SNURF: variants seen among roughly 807,000 people sequenced by gnomAD.
SNURF encodes SNRPN upstream open reading frame.
Under a neutral mutation model 11.6 loss-of-function variants are expected in SNURF, and 6 were observed. That is an observed-to-expected ratio of 0.52 (90% CI 0.28 to 1.02). SNURF has a LOEUF of 1.02. Among genes scored for constraint, SNURF ranks in the 50% least tolerant of loss-of-function variants. The pLI is 0.09. For synonymous variants in SNURF, 29 were observed against 31.6 expected (o/e 0.92, Z 0.27); for missense variants, 84 against 88.4 (o/e 0.95, Z 0.20).
downstream of SNURF, among the ~76,000 whole-genome samples, chr15:24,969,313 G>T (rs528712213): frequency 6.6e-6 from 1 of 152,194 alleles, no homozygotes; most frequent in East Asian, 1.9e-4. Context: ...ATTTTTGGTA[G>T]AGACGGGGTT....
intron 2 of SNURF, 79 bp downstream of exon 2, chr15:24,962,288 G>T: frequency 1.8e-6 from 2 of 1,126,844 alleles, no homozygotes; most frequent in South Asian, 1.3e-5. Context: ...GCAATGAGGG[G>T]ATTAAAATGA....
chr15:24,956,356 G>A (rs974597735), intron 1 of SNURF, among the ~76,000 whole-genome samples: 1 of 149,642 alleles, frequency 6.7e-6, no homozygotes, highest in Non-Finnish European at 1.5e-5. Context: ...CGCTTCAGCG[G>A]GGGGGTGGCC....
At chr15:24,960,960 T>C (rs2074702186) in intron 1 of SNURF, among the ~76,000 whole-genome samples, 1 of 152,166 alleles carries the variant, frequency 6.6e-6, no homozygotes, top group Admixed American at 6.5e-5. Context: ...TTTTTTTTCA[T>C]TGTTTGGATT....
At chr15:24,963,763 A>G (rs2075212115) in intron 2 of SNURF, among the ~76,000 whole-genome samples, 1 of 151,460 alleles carries the variant, frequency 6.6e-6, no homozygotes, top group Non-Finnish European at 1.5e-5. Flanking sequence ...GTTGAGCTGG[A>G]TGTGGTGGCT....
downstream of SNURF, among the ~76,000 whole-genome samples, chr15:24,969,966 A>G (rs2076192604): frequency 1.3e-5 from 2 of 152,236 alleles, no homozygotes; most frequent in South Asian, 4.1e-4. Context: ...AATACTTAGT[A>G]TCTTGCTATT....
intron 6 of SNURF, chr15:24,977,102 C>T (rs2077144038): frequency 1.6e-6 from 2 of 1,269,972 alleles, no homozygotes; most frequent in East Asian, 2.5e-5. Flanking sequence ...GATTTAAAAA[C>T]CTAAGTGTAT....
chr15:24,976,314 T>C (rs1354209996), exon 5 of SNURF: 2 of 1,613,670 alleles, frequency 1.2e-6, no homozygotes, highest in East Asian at 2.2e-5. Flanking sequence ...GGCCAAAGAA[T>C]GCGAAGCAAC....
chr15:24,955,100 G>A, intron 1 of SNURF, 38 bp downstream of exon 1: 1 of 1,613,414 alleles, frequency 6.2e-7, no homozygotes, highest in South Asian at 1.1e-5. Context: ...GAGACAGCCT[G>A]GGGAGCGGCC....
chr15:24,968,142 G>A (rs1478575305), exon 3 of SNURF: 2 of 991,862 alleles, frequency 2.0e-6, no homozygotes, highest in African/African-American at 3.2e-5. Context: ...GGGTGTTGGG[G>A]GTTCTCTTAA....
chr15:24,977,161 G>A, intron 6 of SNURF: 1 of 610,870 alleles, frequency 1.6e-6, no homozygotes, highest in African/African-American at 1.9e-5. Flanking sequence ...CCAAAACACA[G>A]ATATATGGGA....
chr15:24,964,536 C>T lies in SNURF; in HGVS notation c.110+2327C>T, dbSNP rs376768362. Among the ~76,000 whole-genome samples the T allele has an allele frequency of 4.7e-4, 71 of 152,178 alleles. No individual in the cohort carries two copies. In the Middle Eastern group the frequency reaches 0.017, roughly 36 times the overall value. ...CTCGAACTCCCGACCTCAGATGATCCGCCCGCCTTGGTTTCTTTCCCAAAG... is the reference window on the plus strand; with the variant it reads ...CTCGAACTCCCGACCTCAGATGATCTGCCCGCCTTGGTTTCTTTCCCAAAG... On this transcript the variant is annotated intron_variant, in intron 2 of 2. Transcript: ENST00000577949.
At chr15:24,956,778 T>C (rs982294553) in intron 1 of SNURF, among the ~76,000 whole-genome samples, 8 of 152,210 alleles carry the variant, frequency 5.3e-5, no homozygotes, top group African/African-American at 1.7e-4. Context: ...GGTGCAGCAG[T>C]AGAGGACTGG....
chr15:24,975,022 A>G (rs2076907414), intron 3 of SNURF: 1 of 701,548 alleles, frequency 1.4e-6, no homozygotes. Flanking sequence ...AACAGTACAG[A>G]GAAAAGCAGT....
At chr15:24,972,547 T>G (rs1247107727), downstream of SNURF, among the ~76,000 whole-genome samples, 1 of 149,962 alleles carries the variant, frequency 6.7e-6, no homozygotes, top group African/African-American at 2.4e-5. Flanking sequence ...TATTCTTTTT[T>G]TTTTTTTTTT....
exon 6 of SNURF, chr15:24,976,996 C>T (rs958437689): frequency 1.3e-6 from 2 of 1,595,848 alleles, no homozygotes; most frequent in Non-Finnish European, 1.7e-6. Context: ...GATTGGCAGG[C>T]CCTGTCCGAG....
At chr15:24,976,183 A>G in intron 4 of SNURF, 1 of 759,876 alleles carries the variant, frequency 1.3e-6, no homozygotes, top group Non-Finnish European at 2.2e-6. Context: ...CTTGTTTTTC[A>G]GTGATAACTC....
At chr15:24,961,644 GT>G (rs148888516) in intron 1 of SNURF, among the ~76,000 whole-genome samples, 3,395 of 152,048 alleles carry the variant, frequency 0.022, 132 homozygotes, top group African/African-American at 0.078. Flanking sequence ...CCATTTGCAT[GT>G]TTTTTTAAAG....
chr15:24,970,494 T>C (rs1228514406), downstream of SNURF, among the ~76,000 whole-genome samples: 1 of 152,036 alleles, frequency 6.6e-6, no homozygotes, highest in Non-Finnish European at 1.5e-5. Flanking sequence ...CAGGAGAATT[T>C]CTTGAACCCT....
intron 2 of SNURF, among the ~76,000 whole-genome samples, 199 bp from the exon 3 acceptor site, chr15:24,967,733 C>A (rs1032032619): frequency 1.3e-5 from 2 of 148,574 alleles, no homozygotes; most frequent in African/African-American, 5.0e-5. Flanking sequence ...ACTTGAACCC[C>A]GAAGGCAGTG....
Sources: allele counts gnomAD v4.1 joint callset (sites outside exome capture counted in the v4.1 genomes callset), GRCh38; gene constraint gnomAD v4.1.1; transcripts MANE v1.5; gene names NCBI Gene and HGNC (gene_info 2026-07-23, HGNC 2026-07-21).